The following NKAIN3 variants were observed in gnomAD, a reference collection of about 807,000 sequenced individuals.
The protein encoded by NKAIN3 is sodium/potassium transporting ATPase interacting 3.
Under a neutral mutation model 30.2 loss-of-function variants are expected in NKAIN3, and 25 were observed. That is an observed-to-expected ratio of 0.83 (90% CI 0.60 to 1.16). NKAIN3 has a LOEUF of 1.16. Ranked by LOEUF, NKAIN3 falls within the 50% of genes most tolerant of loss-of-function variation. The pLI is 0.00. For synonymous variants in NKAIN3, 91 were observed against 89.6 expected (o/e 1.02, Z -0.09); for missense variants, 225 against 254.1 (o/e 0.89, Z 0.78).
intron 5 of NKAIN3, among the ~76,000 whole-genome samples, chr8:62,930,569 T>TA (rs1822587566): frequency 6.6e-6 from 1 of 152,008 alleles, no homozygotes; most frequent in African/African-American, 2.4e-5. Context: ...TTCTACTTTT[T>TA]ATCTCTGTGC....
At chr8:62,986,680 A>G (rs1332109904), downstream of NKAIN3, among the ~76,000 whole-genome samples, 1 of 152,076 alleles carries the variant, frequency 6.6e-6, no homozygotes. Flanking sequence ...CTGCAATCTC[A>G]CTGCCATTGC....
At chr8:62,461,855 C>G (rs1472497768) in intron 1 of NKAIN3, among the ~76,000 whole-genome samples, 3 of 152,164 alleles carry the variant, frequency 2.0e-5, no homozygotes, top group African/African-American at 7.2e-5. Context: ...GCTGCTCATA[C>G]TCATAAGTGT....
intron 4 of NKAIN3, among the ~76,000 whole-genome samples, chr8:62,776,929 G>A (rs971098911): frequency 6.6e-6 from 1 of 152,078 alleles, no homozygotes; most frequent in Non-Finnish European, 1.5e-5. Context: ...GTCTGAGAAA[G>A]TCTTTATTTC....
At chr8:62,597,143 G>A (rs1054246466) in intron 3 of NKAIN3, among the ~76,000 whole-genome samples, 1 of 152,108 alleles carries the variant, frequency 6.6e-6, no homozygotes, top group African/African-American at 2.4e-5. Flanking sequence ...GCCACGGGTT[G>A]CAAGCTGGTC....
intron 1 of NKAIN3, among the ~76,000 whole-genome samples, chr8:62,283,653 A>T (rs1937524397): frequency 6.6e-6 from 1 of 152,116 alleles, no homozygotes; most frequent in Non-Finnish European, 1.5e-5. Flanking sequence ...TCTTTGATTT[A>T]ACAGTGTTTC....
At chr8:62,733,056 TCTA>T (rs1815531797) in intron 3 of NKAIN3, among the ~76,000 whole-genome samples, 1 of 152,126 alleles carries the variant, frequency 6.6e-6, no homozygotes, top group African/African-American at 2.4e-5. Flanking sequence ...TCATTTATTC[TCTA>T]CTACTTCAAA....
intron 2 of NKAIN3, among the ~76,000 whole-genome samples, chr8:62,587,625 G>A (rs1810518395): frequency 6.6e-6 from 1 of 151,892 alleles, no homozygotes; most frequent in Admixed American, 6.6e-5. Context: ...AAACTATCAG[G>A]TGTCAAATCC....
chr8:62,251,925 T>C (rs1252373420), intron 1 of NKAIN3, among the ~76,000 whole-genome samples: 1 of 152,238 alleles, frequency 6.6e-6, no homozygotes, highest in Non-Finnish European at 1.5e-5. Flanking sequence ...CTGTTAACTA[T>C]TCAGTACCTT....
rs868459592 is a variant in NKAIN3 at position 62,374,255 on chromosome 8, T to C, written c.54+125128T>C. ...GGTTTTTAGTGGCTGTCTCTGGAGT[T>C]AAGTCATGTTTAGCTAGTGCTATTC... On this transcript the variant is annotated intron_variant, in intron 1 of 6. Transcript: ENST00000623646. Among the ~76,000 whole-genome samples, 28 of 152,194 alleles carry C rather than the reference T, an allele frequency of 1.8e-4. 1 individual carries two copies. The highest frequency in any genetic ancestry group is 6.3e-3 in the Middle Eastern group (2 of 316).
At chr8:62,987,499 A>G (rs1824226884), downstream of NKAIN3, among the ~76,000 whole-genome samples, 1 of 152,168 alleles carries the variant, frequency 6.6e-6, no homozygotes, top group Non-Finnish European at 1.5e-5. Flanking sequence ...CAATCATGAC[A>G]GAAGGCAAAG....
chr8:62,437,547 A>G (rs532060818), intron 1 of NKAIN3, among the ~76,000 whole-genome samples: 10 of 152,338 alleles, frequency 6.6e-5, no homozygotes, highest in Middle Eastern at 3.4e-3. Context: ...ATGCTGAGGC[A>G]TAAGTCCTCC....
rs190099140 is a variant in NKAIN3, at chr8:62,591,148, A to C, written c.273+1354A>C. 4.1e-3 allele frequency among the ~76,000 whole-genome samples: 624 copies of C among 151,978 alleles called. 2 individuals are homozygous for C. The highest frequency in any genetic ancestry group is 6.8e-3 in the Middle Eastern group (2 of 294). On this transcript the variant is annotated intron_variant, in intron 3 of 6. Coordinates refer to ENST00000623646, the MANE Select transcript of NKAIN3 (RefSeq NM_001304533.3). The stretch of plus-strand genomic sequence containing the variant: ...TGCGATTTGGATGGTCATTTTAATC[A>C]TATTTTTTATTTCACTGGGTAGAAA...
intron 4 of NKAIN3, among the ~76,000 whole-genome samples, chr8:62,819,703 G>GA (rs147259234): frequency 0.037 from 5,549 of 150,688 alleles, 220 homozygotes; most frequent in African/African-American, 0.098. Context: ...AAATTACTGG[G>GA]AAAAAAAAAT....
intron 1 of NKAIN3, among the ~76,000 whole-genome samples, chr8:62,435,019 G>A (rs572054938): frequency 6.6e-6 from 1 of 152,272 alleles, no homozygotes; most frequent in South Asian, 2.1e-4. Context: ...CTGGTGGATG[G>A]AGGGATGGAA....
intron 1 of NKAIN3, among the ~76,000 whole-genome samples, chr8:62,577,571 TGGA>T (rs1810156785): frequency 6.8e-6 from 1 of 147,860 alleles, no homozygotes. Context: ...TAGTTATGTT[TGGA>T]CATTTAAAAA....
intron 1 of NKAIN3, among the ~76,000 whole-genome samples, chr8:62,420,021 C>A (rs1300697061): frequency 6.6e-6 from 1 of 152,142 alleles, no homozygotes; most frequent in African/African-American, 2.4e-5. Context: ...ACAACCATGT[C>A]ACCTGAGAGC....
At chr8:62,559,936 AGGGTAAGTCTGCT>A (rs1327535393) in intron 1 of NKAIN3, among the ~76,000 whole-genome samples, 1 of 152,068 alleles carries the variant, frequency 6.6e-6, no homozygotes, top group Non-Finnish European at 1.5e-5. Flanking sequence ...CCTTTTCTTC[AGGGTAAGTCTGCT>A]GGCAACAAAT....
At position 62,660,410 on chromosome 8, in the gene NKAIN3, C is replaced by T. The variant is rs146049672; in HGVS notation, c.273+70616C>T. The stretch of plus-strand genomic sequence containing the variant: ...AGTATATGGATAGAGATGAGGTATC[C>T]ATGTGTGAATTATACATTTAAAAAC... On this transcript the variant is annotated intron_variant, in intron 3 of 6. Transcript: ENST00000623646. Among the ~76,000 whole-genome samples the T allele has an allele frequency of 7.9e-5, 12 of 151,950 alleles. No homozygotes were observed. In the East Asian group the frequency reaches 2.1e-3, roughly 27 times the overall value.
At position 62,345,956 on chromosome 8, in the gene NKAIN3, A is replaced by T. The variant is rs116860026; in HGVS notation, c.54+96829A>T. Among the ~76,000 whole-genome samples, 100 of 152,228 alleles carry T rather than the reference A, an allele frequency of 6.6e-4. No individual in the cohort carries two copies. The East Asian group carries it at 0.011, about 17-fold the overall frequency. ...AAACTAGAGAACATTATGTAAGTGA[A>T]GCAAGCCAGGCACAGAAAGACAAAC... is the stretch of plus-strand genomic sequence containing the variant. On this transcript the variant is annotated intron_variant, in intron 1 of 6. Coordinates refer to ENST00000623646, the MANE Select transcript of NKAIN3 (RefSeq NM_001304533.3).
Sources: allele counts gnomAD v4.1 joint callset (sites outside exome capture counted in the v4.1 genomes callset), GRCh38; gene constraint gnomAD v4.1.1; transcripts MANE v1.5; gene names NCBI Gene and HGNC (gene_info 2026-07-23, HGNC 2026-07-21).